NCKAP5: variants seen among roughly 807,000 people sequenced by gnomAD.
NCKAP5 encodes the protein nck-associated protein 5.
A neutral mutation model predicts 167.0 loss-of-function variants in NCKAP5; 92 were observed. The observed-to-expected ratio is 0.55, with a 90% CI of 0.47 to 0.66. The LOEUF is 0.66. Ranked by LOEUF, NCKAP5 falls within the 30% of genes least tolerant of loss-of-function variation. The pLI is 0.00. For synonymous variants in NCKAP5, 891 were observed against 877.4 expected, an observed-to-expected ratio of 1.02 and a Z score of -0.27; for missense variants, 2,378 against 2,315.0, an observed-to-expected ratio of 1.03 and a Z score of -0.56.
At chr2:132,907,750 CG>C (rs1269043678) in intron 8 of NCKAP5, among the ~76,000 whole-genome samples, 5 of 152,128 alleles carry the variant, frequency 3.3e-5, no homozygotes, top group African/African-American at 1.2e-4. Context: ...CTCAGTCTCC[CG>C]GGTTCACGCC....
At chr2:133,363,827 A>G (rs965650570) in intron 3 of NCKAP5, among the ~76,000 whole-genome samples, 22 of 152,160 alleles carry the variant, frequency 1.4e-4, no homozygotes, top group Non-Finnish European at 3.1e-4. Flanking sequence ...ATCACTGGCT[A>G]TGTAACAGGG....
rs181686631 is a variant in NCKAP5, at chr2:133,107,768, G to A, written c.341+22210C>T. ...AGACTTTTAAAAAATAAGTTAGGGC[G>A]TCATCTAAATGGTTTTGTTGGGAAT... On this transcript the variant is annotated intron_variant, in intron 6 of 19. Transcript: ENST00000409261. Among the ~76,000 whole-genome samples, 25 of 152,244 alleles carry A rather than the reference G, an allele frequency of 1.6e-4. No individual in the cohort carries two copies. In the East Asian group the frequency reaches 3.5e-3, roughly 21 times the overall value.
intron 3 of NCKAP5, among the ~76,000 whole-genome samples, chr2:133,305,750 A>G (rs192056621): frequency 6.6e-6 from 1 of 152,346 alleles, no homozygotes; most frequent in Admixed American, 6.5e-5. Context: ...CATATAAATA[A>G]CTATGATGAC....
At chr2:132,691,525 G>A (rs1012567272) in intron 19 of NCKAP5, among the ~76,000 whole-genome samples, 4 of 151,992 alleles carry the variant, frequency 2.6e-5, no homozygotes, top group African/African-American at 9.7e-5. Flanking sequence ...TACCTAACAT[G>A]TTCCTCTTTC....
At chr2:133,430,927 TTAAATTGA>T (rs1690121256) in intron 3 of NCKAP5, among the ~76,000 whole-genome samples, 4 of 151,908 alleles carry the variant, frequency 2.6e-5, no homozygotes, top group Admixed American at 2.6e-4. Flanking sequence ...TCTGAAATTG[TTAAATTGA>T]TATCATCAGG....
intron 3 of NCKAP5, among the ~76,000 whole-genome samples, chr2:133,491,059 T>C (rs1681395867): frequency 6.6e-6 from 1 of 152,206 alleles, no homozygotes; most frequent in South Asian, 2.1e-4. Flanking sequence ...ACAGAGAAGA[T>C]GAGAAATTCT....
intron 17 of NCKAP5, among the ~76,000 whole-genome samples, chr2:132,729,407 A>G (rs547197654): frequency 1.2e-4 from 19 of 152,068 alleles, no homozygotes; most frequent in Non-Finnish European, 2.8e-4. Flanking sequence ...AACATAGGGA[A>G]CCCCGATTTT....
At chr2:133,083,961 C>T (rs192252534) in intron 6 of NCKAP5, among the ~76,000 whole-genome samples, 1 of 152,234 alleles carries the variant, frequency 6.6e-6, no homozygotes, top group Non-Finnish European at 1.5e-5. Context: ...TTCAGAGGAT[C>T]TTGTGTAACT....
chr2:132,960,576 T>C (rs1315401615), intron 8 of NCKAP5, among the ~76,000 whole-genome samples: 2 of 152,082 alleles, frequency 1.3e-5, no homozygotes, highest in African/African-American at 4.8e-5. Context: ...AAGAGGTTGG[T>C]GCGTGGAGAA....
the NCKAP5 span, among the ~76,000 whole-genome samples, chr2:133,602,939 T>G: frequency 6.6e-6 from 1 of 152,154 alleles, no homozygotes; most frequent in African/African-American, 2.4e-5. Context: ...AAATTTGTAG[T>G]CACAGGCAGA....
At chr2:132,818,145 G>T (rs974012139) in intron 11 of NCKAP5, among the ~76,000 whole-genome samples, 1 of 151,980 alleles carries the variant, frequency 6.6e-6, no homozygotes, top group Non-Finnish European at 1.5e-5. Context: ...ATGCGGTTTC[G>T]CCATGTTGCC....
chr2:132,767,276 T>G (rs1353229349), intron 16 of NCKAP5, among the ~76,000 whole-genome samples: 1 of 152,152 alleles, frequency 6.6e-6, no homozygotes, highest in Non-Finnish European at 1.5e-5. Context: ...GACAGAGCTT[T>G]GCTCTTGTTG....
chr2:132,851,828 C>T (rs925456507), intron 11 of NCKAP5, among the ~76,000 whole-genome samples: 2 of 152,206 alleles, frequency 1.3e-5, no homozygotes, highest in Non-Finnish European at 2.9e-5. Context: ...TTCAGGGCAG[C>T]TCTTAGACCA....
chr2:133,134,849 A>C (rs911779782), intron 5 of NCKAP5, among the ~76,000 whole-genome samples: 1 of 152,236 alleles, frequency 6.6e-6, no homozygotes, highest in Non-Finnish European at 1.5e-5. Context: ...TCCTTTCTAC[A>C]TGCATGTTCC....
the NCKAP5 span, among the ~76,000 whole-genome samples, chr2:133,578,652 A>G: frequency 6.6e-6 from 1 of 152,150 alleles, no homozygotes; most frequent in South Asian, 2.1e-4. Flanking sequence ...CCTGACCCCA[A>G]TGCACGTCTC....
chr2:133,122,477 G>C (rs2082280244), intron 6 of NCKAP5: 1 of 152,142 alleles, frequency 6.6e-6, no homozygotes, highest in Admixed American at 6.5e-5. Flanking sequence ...TTGTCATAAA[G>C]TTATCTCTGT....
intron 6 of NCKAP5, among the ~76,000 whole-genome samples, chr2:133,055,715 T>C (rs903345305): frequency 2.6e-5 from 4 of 152,110 alleles, no homozygotes; most frequent in African/African-American, 9.7e-5. Flanking sequence ...ATCTATCTAC[T>C]AGTTATTTTG....
intron 3 of NCKAP5, among the ~76,000 whole-genome samples, chr2:133,385,476 G>A (rs1431051692): frequency 2.0e-5 from 3 of 152,254 alleles, no homozygotes; most frequent in African/African-American, 4.8e-5. Context: ...TTTTTGCATT[G>A]ATGTTCATCA....
intron 11 of NCKAP5, among the ~76,000 whole-genome samples, chr2:132,853,245 A>C (rs536585629): frequency 8.8e-4 from 134 of 152,310 alleles, no homozygotes; most frequent in African/African-American, 3.2e-3. Flanking sequence ...CAACATTTAA[A>C]ATTTGAGAGA....
Sources: gnomAD v4.1 joint callset for allele counts (sites outside exome capture counted in the v4.1 genomes callset) on GRCh38, gnomAD v4.1.1 for gene constraint, MANE v1.5 for transcripts, NCBI Gene and HGNC (gene_info 2026-07-23, HGNC 2026-07-21) for gene names.